Variants in GPX1 observed in about 807,000 individuals in gnomAD.
GPX1 encodes glutathione peroxidase 1, also known as GSHPx-1.
A neutral mutation model predicts 11.5 loss-of-function variants in GPX1; 8 were observed. The ratio of observed to expected loss-of-function variants is 0.70; its 90% CI spans 0.41 to 1.25. The LOEUF (loss-of-function observed/expected upper bound fraction) is 1.25. Ranked by LOEUF, GPX1 falls within the 50% of genes most tolerant of loss-of-function variation. The pLI is 0.01. For synonymous variants in GPX1, 142 were observed against 127.8 expected (o/e 1.11, Z -0.75); for missense variants, 266 against 284.3 (o/e 0.94, Z 0.46).
In GPX1 at chr3:49,358,177, G is replaced by C; in HGVS notation, c.102C>G (p.Ser34=). Residue 34 remains serine, a synonymous_variant, in exon 1 of 2, where the codon TCC becomes TCG. Transcript: ENST00000419783. ...CGATAAGTAGTACCTTGCCCCGCAG[G>C]GAGCCCAGGCTCACAGGCTCCCCGC... ...LAGGEPVSLG[S]LRGKVLLIEN... 6.3e-7 allele frequency: 1 copy of C among 1,581,544 alleles called. No individual in the cohort carries two copies. The highest frequency in any genetic ancestry group is 1.1e-5 in the South Asian group (1 of 88,004).
Position 49,357,762 on chromosome 3 carries a change from G to A in GPX1, c.253-15C>T, listed in dbSNP as rs151094319. 151 of 1,591,820 alleles carry A rather than the reference G, an allele frequency of 9.5e-5. No homozygotes were observed. The South Asian group carries it at 1.3e-3, about 13-fold the overall frequency. On this transcript the variant is annotated splice_polypyrimidine_tract_variant and intron_variant, in intron 1 of 1. Transcript: ENST00000419783. The stretch of plus-strand genomic sequence containing the variant: ...TTGGCGTTCTCCTACAGGAGAGAAG[G>A]GCAGCTAGAACCCGGGGTCAAGAGG...
At position 49,357,742 on chromosome 3, in the gene GPX1, G is replaced by A. The variant is rs1270033230; in HGVS notation, c.258C>T (p.Asn86=). The A allele has an allele frequency of 1.2e-6, 2 of 1,604,476 alleles. No individual in the cohort carries two copies. The highest frequency in any genetic ancestry group is 1.7e-6 in the Non-Finnish European group (2 of 1,173,052). Residue 86 remains asparagine (N), a synonymous_variant, in exon 2 of 2, where the codon AAC becomes AAT. Coordinates refer to ENST00000419783, the MANE Select transcript of GPX1 (RefSeq NM_000581.4). The part of the protein sequence containing the change: ...FPCNQFGHQE[N]AKNEEILNSL... ...AATTCAGAATCTCTTCGTTCTTGGC[G>A]TTCTCCTACAGGAGAGAAGGGCAGC...
Position 49,358,256 on chromosome 3 carries a change from GCCGC to G in GPX1, c.19_22del (p.Ala7ArgfsTer23). 7.1e-7 allele frequency: 1 copy of G among 1,407,216 alleles called. No individual in the cohort carries two copies. Among genetic ancestry groups the G allele is most frequent in the Non-Finnish European group, 9.5e-7 (1 of 1,053,790 alleles). The allele number at this position is 1,407,216 out of a possible 1,614,324, so 87.2% of individuals were successfully genotyped here. ...CACCGACTGGGCCGCCGCCGCCGCC[GCCGC>G]TAGCCGAGCAGCACACATGGCGCAA... On this transcript the variant is annotated frameshift_variant, in exon 1 of 2. Transcript: ENST00000419783. LOFTEE classifies it high-confidence loss of function.
At chr3:49,357,789 G>A in intron 1 of GPX1, 42 bp from the exon 2 acceptor site, 1 of 1,570,776 alleles carries the variant, frequency 6.4e-7, no homozygotes. Flanking sequence ...GTCAAGAGGA[G>A]GAGAGAAACG....
chr3:49,357,852 C>G (rs2047870476), intron 1 of GPX1, 105 bp from the exon 2 acceptor site: 16 of 1,526,658 alleles, frequency 1.0e-5, no homozygotes, highest in Middle Eastern at 3.5e-4. Flanking sequence ...TTTTGCCCTC[C>G]ATGCGCAATC....
chr3:49,357,976 C>T (rs887146798), intron 1 of GPX1, 51 bp downstream of exon 1: 8 of 1,558,284 alleles, frequency 5.1e-6, no homozygotes, highest in African/African-American at 1.4e-5. Flanking sequence ...CCGGCGCCCC[C>T]AGCCACTACT....
chr3:49,358,283 C>T lies in GPX1; in HGVS notation c.-5G>A, dbSNP rs1212689401. ...CGCTAGCCGAGCAGCACACATGGCG[C>T]AATTGTCCAAGAAGCCAGCGGAGCG... On this transcript the variant is annotated 5_prime_UTR_variant, in exon 1 of 2. Transcript: ENST00000419783. 4 of 1,535,410 alleles carry T rather than the reference C, an allele frequency of 2.6e-6. No individual in the cohort carries two copies. The highest frequency in any genetic ancestry group is 2.3e-4 in the Middle Eastern group (1 of 4,346).
At chr3:49,357,834 C>T in intron 1 of GPX1, 87 bp from the exon 2 acceptor site, 9 of 1,530,696 alleles carry the variant, frequency 5.9e-6, no homozygotes, top group Non-Finnish European at 3.5e-6. Context: ...TTCTATGAGT[C>T]ACCGGGATTT....
chr3:49,358,139 G>C lies in GPX1; in HGVS notation c.140C>G (p.Ser47Cys). Reference protein sequence around the residue: ...GKVLLIENVASLUGTTVRDYT... With the variant: ...GKVLLIENVACLUGTTVRDYT... ...GTCCCGGACCGTGGTGCCTCAGAGG[G>C]ACGCCACATTCTCGATAAGTAGTAC... Residue 47 changes from serine (S) to cysteine (C), a missense_variant, in exon 1 of 2, where the codon TCC becomes TGC. By Grantham distance (112) the Ser-to-Cys change is moderately radical. Coordinates refer to ENST00000419783, the MANE Select transcript of GPX1 (RefSeq NM_000581.4). The C allele has an allele frequency of 6.2e-7, 1 of 1,608,792 alleles. No homozygotes were observed. Among genetic ancestry groups the C allele is most frequent in the Non-Finnish European group, 8.5e-7 (1 of 1,178,600 alleles).
At chr3:49,357,954 A>C (rs748307722) in intron 1 of GPX1, 73 bp downstream of exon 1, 3 of 1,530,972 alleles carry the variant, frequency 2.0e-6, no homozygotes, top group Admixed American at 4.1e-5. Flanking sequence ...GACGGCACCC[A>C]CCAGCACACC....
In GPX1 at chr3:49,357,420, C is replaced by A; in HGVS notation, c.580G>T (p.Ala194Ser). The change falls in exon 2 of 2, where the codon GCC becomes TCC. Residue 194 changes from alanine (A) to serine (S), a missense_variant. Ala to Ser is a moderately conservative substitution (Grantham distance 99, BLOSUM62 1). Coordinates refer to ENST00000419783, the MANE Select transcript of GPX1 (RefSeq NM_000581.4). ...QTIDIEPDIE[A>S]LLSQGPSCA The stretch of plus-strand genomic sequence containing the variant: ...CAGCTGGGCCCTTGAGACAGCAGGG[C>A]TTCGATGTCAGGCTCGATGTCAATG... 1.9e-6 allele frequency: 3 copies of A among 1,612,430 alleles called. No homozygotes were observed. The highest frequency in any genetic ancestry group is 2.5e-6 in the Non-Finnish European group (3 of 1,179,156).
At chr3:49,357,910 CGA>C (rs969552407) in intron 1 of GPX1, 115 bp downstream of exon 1, 45 of 1,503,070 alleles carry the variant, frequency 3.0e-5, no homozygotes, top group African/African-American at 2.2e-4. Context: ...AGAAAGGAAA[CGA>C]GAGAGTAGCC....
At position 49,357,500 on chromosome 3, in the gene GPX1, A is replaced by G. The variant is rs2107818892; in HGVS notation, c.500T>C (p.Phe167Ser). The G allele has an allele frequency of 1.9e-6, 3 of 1,613,656 alleles. No individual in the cohort carries two copies. Among genetic ancestry groups the G allele is most frequent in the Non-Finnish European group, 2.5e-6 (3 of 1,179,836 alleles). Residue 167 changes from phenylalanine (F) to serine (S), a missense_variant, in exon 2 of 2, where the codon TTC (phenylalanine) becomes TCC (serine). Physicochemically the swap from Phe to Ser is radical, Grantham distance 155 (BLOSUM62 -2). Coordinates refer to ENST00000419783, the MANE Select transcript of GPX1 (RefSeq NM_000581.4). The part of the protein sequence containing the change: ...RNDVAWNFEK[F>S]LVGPDGVPLR... ...GGGCACACCGTCAGGGCCCACCAGGAACTTCTCAAAGTTCCAGGCAACATC... is the reference window on the plus strand; with the variant it reads ...GGGCACACCGTCAGGGCCCACCAGGGACTTCTCAAAGTTCCAGGCAACATC...
rs757196709 is a variant in GPX1 at position 49,357,565 on chromosome 3, G to A, written c.435C>T (p.Thr145=). Residue 145 remains threonine, a synonymous_variant, in exon 2 of 2, where the codon ACC becomes ACT. Coordinates refer to ENST00000419783, the MANE Select transcript of GPX1 (RefSeq NM_000581.4). ...APSDDATALM[T]DPKLITWSPV... Reference sequence around the variant, plus strand: ...GAGACCAGGTGATGAGCTTGGGGTCGGTCATAAGCGCGGTGGCGTCGTCGC... The same window carrying A: ...GAGACCAGGTGATGAGCTTGGGGTCAGTCATAAGCGCGGTGGCGTCGTCGC... The A allele has an allele frequency of 1.1e-5, 18 of 1,613,246 alleles. No individual in the cohort carries two copies. The highest frequency in any genetic ancestry group is 1.3e-5 in the Non-Finnish European group (15 of 1,179,854).
Position 49,358,292 on chromosome 3 carries a change from A to C in GPX1, c.-14T>G, listed in dbSNP as rs997208420. 1.3e-6 allele frequency: 2 copies of C among 1,531,928 alleles called. No homozygotes were observed. Among genetic ancestry groups the C allele is most frequent in the East Asian group, 4.9e-5 (2 of 40,488 alleles). The allele number at this position is 1,531,928 out of a possible 1,614,324, so 94.9% of individuals were successfully genotyped here. A position where few individuals can be genotyped will look rare whatever the true frequency, so the allele number is the denominator to read the frequency against. ...AGCAGCACACATGGCGCAATTGTCCAAGAAGCCAGCGGAGCGCCCCGAACA... is the reference window on the plus strand; with the variant it reads ...AGCAGCACACATGGCGCAATTGTCCCAGAAGCCAGCGGAGCGCCCCGAACA... On this transcript the variant is annotated 5_prime_UTR_variant, in exon 1 of 2. Transcript: ENST00000419783.
At chr3:49,357,974 C>A (rs201464748) in intron 1 of GPX1, 53 bp downstream of exon 1, 6 of 1,488,690 alleles carry the variant, frequency 4.0e-6, no homozygotes, top group Admixed American at 3.9e-5. Context: ...CGCCGGCGCC[C>A]CCAGCCACTA....
In GPX1 at chr3:49,357,622, GAA is replaced by G. The variant is rs1477793323; in HGVS notation, c.376_377del (p.Phe126ArgfsTer?). ...EVNGAGAHPLFAFLREALPAP... is the reference protein window; with the variant it reads ...EVNGAGAHPLXAFLREALPAP... ...CTGGCAGGGCCTCCCGCAGGAAGGC[GAA>G]GAGAGGGTGCGCCCCCGCACCGTTC... On this transcript the variant is annotated frameshift_variant, in exon 2 of 2. Coordinates refer to ENST00000419783, the MANE Select transcript of GPX1 (RefSeq NM_000581.4). LOFTEE classifies it high-confidence loss of function. The G allele has an allele frequency of 6.2e-7, 1 of 1,613,360 alleles. No homozygotes were observed. The highest frequency in any genetic ancestry group is 2.2e-5 in the East Asian group (1 of 44,878).
chr3:49,357,586 G>C lies in GPX1; in HGVS notation c.414C>G (p.Asp138Glu). 5 of 1,613,104 alleles carry C rather than the reference G, an allele frequency of 3.1e-6. No homozygotes were observed. Among genetic ancestry groups the C allele is most frequent in the Non-Finnish European group, 4.2e-6 (5 of 1,179,858 alleles). The change falls in exon 2 of 2, where the codon GAC becomes GAG. Residue 138 changes from aspartate to glutamate, a missense_variant. Transcript: ENST00000419783. ...FLREALPAPS[D>E]DATALMTDPK... The stretch of plus-strand genomic sequence containing the variant: ...GGTCGGTCATAAGCGCGGTGGCGTC[G>C]TCGCTGGGAGCTGGCAGGGCCTCCC...
Position 49,357,553 on chromosome 3 carries a change from G to C in GPX1, c.447C>G (p.Leu149=). The C allele has an allele frequency of 6.2e-7, 1 of 1,613,456 alleles. No homozygotes were observed. The highest frequency in any genetic ancestry group is 8.5e-7 in the Non-Finnish European group (1 of 1,179,860). ...TGCGACACACCGGAGACCAGGTGAT[G>C]AGCTTGGGGTCGGTCATAAGCGCGG... ...DATALMTDPK[L]ITWSPVCRND... is the part of the protein sequence containing the mutation. Residue 149 remains leucine, a synonymous_variant, in exon 2 of 2, where the codon CTC becomes CTG. Transcript: ENST00000419783.
Sources: gnomAD v4.1 joint callset for allele counts on GRCh38, gnomAD v4.1.1 for gene constraint, MANE v1.5 for transcripts, NCBI Gene and HGNC (gene_info 2026-07-23, HGNC 2026-07-21) for gene names.